The following NKAIN3 variants were observed in gnomAD, a reference collection of about 807,000 sequenced individuals.
The protein encoded by NKAIN3 is sodium/potassium transporting ATPase interacting 3, also known as sodium/potassium-transporting ATPase subunit beta-1-interacting protein 3.
NKAIN3 carries 25 observed loss-of-function variants against 30.2 expected under a neutral mutation model. That is an observed-to-expected ratio of 0.83 (90% CI 0.60 to 1.16). The LOEUF is 1.16. Ranked by LOEUF, NKAIN3 falls within the 50% of genes most tolerant of loss-of-function variation. The pLI is 0.00. For synonymous variants in NKAIN3, 91 were observed against 89.6 expected (o/e 1.02, Z -0.09); for missense variants, 225 against 254.1 (o/e 0.89, Z 0.78).
At chr8:62,391,470 G>A (rs1208422348) in intron 1 of NKAIN3, among the ~76,000 whole-genome samples, 1 of 151,828 alleles carries the variant, frequency 6.6e-6, no homozygotes, top group African/African-American at 2.4e-5. Flanking sequence ...ATTACACTGG[G>A]AAATAGAAAA....
In NKAIN3 at chr8:62,860,322, C is replaced by G. The variant is rs183516097; in HGVS notation, c.472-58131C>G. Among the ~76,000 whole-genome samples, 84 of 152,332 alleles carry G rather than the reference C, an allele frequency of 5.5e-4. No individual in the cohort carries two copies. The East Asian group carries it at 0.014, about 26-fold the overall frequency. ...CTCTGTCATTTTCCTACTTGTGACACTGGGCAGGGTCCACAATCCCTCTGA... is the reference window on the plus strand; with the variant it reads ...CTCTGTCATTTTCCTACTTGTGACAGTGGGCAGGGTCCACAATCCCTCTGA... On this transcript the variant is annotated intron_variant, in intron 4 of 6. Coordinates refer to ENST00000623646, the MANE Select transcript of NKAIN3 (RefSeq NM_001304533.3).
intron 4 of NKAIN3, among the ~76,000 whole-genome samples, chr8:62,872,594 A>G (rs1336876733): frequency 2.6e-5 from 4 of 152,192 alleles, no homozygotes; most frequent in Non-Finnish European, 5.9e-5. Flanking sequence ...TTGTGTTACC[A>G]TTGTGTGATT....
intron 1 of NKAIN3, among the ~76,000 whole-genome samples, chr8:62,358,469 G>A (rs950677685): frequency 3.9e-5 from 6 of 152,036 alleles, no homozygotes; most frequent in Non-Finnish European, 7.4e-5. Flanking sequence ...TATGTTAAGC[G>A]TAGATATAAA....
Position 62,856,781 on chromosome 8 carries a change from G to T in NKAIN3, c.472-61672G>T, listed in dbSNP as rs1396849149. The stretch of plus-strand genomic sequence containing the variant: ...CACCTGGCTTATCCAACTCCTGTAA[G>T]ATGTAAATATTTCACTGAATCTTTG... On this transcript the variant is annotated intron_variant, in intron 4 of 6. Transcript: ENST00000623646. 3.7e-5 allele frequency: 24 copies of T among 646,498 alleles called. No individual in the cohort carries two copies. The East Asian group carries it at 6.1e-4, about 17-fold the overall frequency. The allele number at this position is 646,498 out of a possible 1,614,324, so 40.0% of individuals were successfully genotyped here.
At chr8:62,545,850 A>C (rs1218945207) in intron 1 of NKAIN3, among the ~76,000 whole-genome samples, 2 of 152,234 alleles carry the variant, frequency 1.3e-5, no homozygotes, top group Non-Finnish European at 2.9e-5. Context: ...ATTCAATCAA[A>C]AAATATACAA....
intron 1 of NKAIN3, among the ~76,000 whole-genome samples, chr8:62,571,356 T>C (rs1809932127): frequency 6.6e-6 from 1 of 151,788 alleles, no homozygotes; most frequent in South Asian, 2.1e-4. Context: ...GTCATGAGGT[T>C]GGTTGCCGTG....
At chr8:62,765,480 T>G (rs1301100119) in intron 4 of NKAIN3, among the ~76,000 whole-genome samples, 1 of 152,166 alleles carries the variant, frequency 6.6e-6, no homozygotes, top group Non-Finnish European at 1.5e-5. Flanking sequence ...GCCCCTAATC[T>G]AGAAAGGTGC....
chr8:62,423,962 G>A (rs909220455), intron 1 of NKAIN3, among the ~76,000 whole-genome samples: 1 of 151,874 alleles, frequency 6.6e-6, no homozygotes, highest in Non-Finnish European at 1.5e-5. Flanking sequence ...AGCTGTTTGT[G>A]GTCTGTTTTT....
intron 3 of NKAIN3, among the ~76,000 whole-genome samples, chr8:62,644,008 G>C (rs1412223851): frequency 2.6e-5 from 4 of 152,070 alleles, no homozygotes; most frequent in Admixed American, 6.6e-5. Context: ...GTTCCAGTTA[G>C]TTTTGGTGAA....
intron 3 of NKAIN3, among the ~76,000 whole-genome samples, chr8:62,715,849 G>A (rs530129019): frequency 6.6e-6 from 1 of 152,174 alleles, no homozygotes; most frequent in East Asian, 1.9e-4. Flanking sequence ...GCTGAGGGTA[G>A]AGTCACCTTT....
chr8:62,460,855 G>A (rs1805978346), intron 1 of NKAIN3, among the ~76,000 whole-genome samples: 1 of 152,186 alleles, frequency 6.6e-6, no homozygotes, highest in East Asian at 1.9e-4. Context: ...TTAATTTTGT[G>A]TCTGCCTAGA....
At chr8:62,491,406 T>G (rs1807061058) in intron 1 of NKAIN3, among the ~76,000 whole-genome samples, 1 of 152,206 alleles carries the variant, frequency 6.6e-6, no homozygotes, top group Admixed American at 6.5e-5. Flanking sequence ...ATAAGTTAGA[T>G]GTATTAGAAG....
At chr8:62,415,468 C>T (rs75706454) in intron 1 of NKAIN3, among the ~76,000 whole-genome samples, 16,321 of 149,400 alleles carry the variant, frequency 0.11, 1,307 homozygotes, top group African/African-American at 0.22. Context: ...AGCTGAGCAT[C>T]TTGGCTTGCC....
intron 4 of NKAIN3, among the ~76,000 whole-genome samples, chr8:62,804,533 GA>G (rs776240380): frequency 5.3e-5 from 8 of 152,134 alleles, no homozygotes; most frequent in Non-Finnish European, 1.0e-4. Flanking sequence ...CATATAAACA[GA>G]ACCAAAGACA....
At chr8:62,409,937 T>C (rs973566082) in intron 1 of NKAIN3, among the ~76,000 whole-genome samples, 7 of 152,228 alleles carry the variant, frequency 4.6e-5, no homozygotes, top group African/African-American at 1.7e-4. Context: ...AGAATAAGGT[T>C]ATCCTCAATA....
intron 1 of NKAIN3, among the ~76,000 whole-genome samples, chr8:62,459,781 G>A (rs758296264): frequency 2.4e-4 from 37 of 152,128 alleles, no homozygotes; most frequent in Non-Finnish European, 5.0e-4. Flanking sequence ...GAGCAAGCAG[G>A]CCAGGATACT....
chr8:62,290,592 A>G (rs1813566225), intron 1 of NKAIN3, among the ~76,000 whole-genome samples: 1 of 152,200 alleles, frequency 6.6e-6, no homozygotes, highest in South Asian at 2.1e-4. Context: ...GATGAGACCA[A>G]CTTGCTCATG....
intron 3 of NKAIN3, among the ~76,000 whole-genome samples, chr8:62,648,974 A>G (rs952151722): frequency 6.6e-6 from 1 of 152,170 alleles, no homozygotes; most frequent in African/African-American, 2.4e-5. Flanking sequence ...TGTAAGCCTC[A>G]ATGGATTCTC....
At position 62,574,429 on chromosome 8, in the gene NKAIN3, G is replaced by A. The variant is rs1810043406; in HGVS notation, c.55-5110G>A. 2.0e-5 allele frequency among the ~76,000 whole-genome samples: 3 copies of A among 152,110 alleles called. No individual in the cohort carries two copies. The South Asian group carries it at 6.2e-4, about 32-fold the overall frequency. On this transcript the variant is annotated intron_variant, in intron 1 of 6. Transcript: ENST00000623646. Reference sequence around the variant, plus strand: ...TATAAGTGAGATTGCTGGATCATATGGTAGCTCTATTTTTAGTTTTTTGAA... The same window carrying A: ...TATAAGTGAGATTGCTGGATCATATAGTAGCTCTATTTTTAGTTTTTTGAA...
Sources: allele counts gnomAD v4.1 joint callset (sites outside exome capture counted in the v4.1 genomes callset), GRCh38; gene constraint gnomAD v4.1.1; transcripts MANE v1.5; gene names NCBI Gene and HGNC (gene_info 2026-07-23, HGNC 2026-07-21).